PRDM9: variants seen among roughly 807,000 people sequenced by gnomAD.
PRDM9 encodes PR/SET domain 9, also known as histone-lysine N-methyltransferase PRDM9.
Under a neutral mutation model 55.6 loss-of-function variants are expected in PRDM9, and 47 were observed. The observed-to-expected ratio is 0.85, with a 90% CI of 0.67 to 1.08. The LOEUF is 1.08. PRDM9 is among the 50% of genes least tolerant of loss of function. PRDM9 has a pLI of 0.00. For synonymous variants in PRDM9, 312 were observed against 375.7 expected (o/e 0.83, Z 1.96); for missense variants, 867 against 1,040.3 (o/e 0.83, Z 2.29).
At chr5:23,523,027 C>A in intron 8 of PRDM9, 142 bp downstream of exon 8, 1 of 1,453,000 alleles carries the variant, frequency 6.9e-7, no homozygotes, top group Non-Finnish European at 9.6e-7. Context: ...TGCATGAACA[C>A]GGAACTCCTA....
Position 23,509,105 on chromosome 5 carries a change from G to A in PRDM9, c.69+3G>A, listed in dbSNP as rs1397355067. ...AGAGAACAGAGCGGAAGCCCATGGTGAGAAGTGGAGGAAGCGAAGCTGGAC... is the reference window on the plus strand; with the variant it reads ...AGAGAACAGAGCGGAAGCCCATGGTAAGAAGTGGAGGAAGCGAAGCTGGAC... On this transcript the variant is annotated splice_donor_region_variant and intron_variant, in intron 2 of 10. Transcript: ENST00000296682. 2 of 1,613,982 alleles carry A rather than the reference G, an allele frequency of 1.2e-6. No individual in the cohort carries two copies. Among genetic ancestry groups the A allele is most frequent in the East Asian group, 2.2e-5 (1 of 44,864 alleles).
Position 23,509,931 on chromosome 5 carries a change from A to T in PRDM9, c.205A>T (p.Thr69Ser), listed in dbSNP as rs1310515424. The change falls in exon 4 of 11, where the codon ACT becomes TCT. Residue 69 changes from threonine to serine, a missense_variant. Coordinates refer to ENST00000296682, the MANE Select transcript of PRDM9 (RefSeq NM_020227.4). The stretch of plus-strand genomic sequence containing the variant: ...TTGCTTCTTTTCAGGTCTCAGAGCC[A>T]CTCGACCAGCTTTCATGTGTCACCG... ...NALITIGLRA[T>S]RPAFMCHRRQ... 6.2e-7 allele frequency: 1 copy of T among 1,613,716 alleles called. No individual in the cohort carries two copies. Among genetic ancestry groups the T allele is most frequent in the Admixed American group, 1.7e-5 (1 of 59,976 alleles).
chr5:23,512,539 G>T (rs2914281), intron 4 of PRDM9, among the ~76,000 whole-genome samples: 1 of 152,000 alleles, frequency 6.6e-6, no homozygotes, highest in Non-Finnish European at 1.5e-5. Flanking sequence ...TCTTTAGCGG[G>T]AATCTATCTC....
rs756857261 is a variant in PRDM9 at position 23,526,495 on chromosome 5, G to A, written c.1407G>A (p.Gln469=). The A allele has an allele frequency of 7.4e-6, 12 of 1,613,944 alleles. No individual in the cohort carries two copies. In the Admixed American group the frequency reaches 2.0e-4, roughly 27 times the overall value. ...AACTCTTGAATAAAAGGACATGGCA[G>A]AGGGAGATTTCAAGGGCCTTTTCTA... ...RSKLLNKRTW[Q]REISRAFSSP... The change falls in exon 11 of 11, where the codon CAG becomes CAA. Residue 469 remains glutamine, a synonymous_variant. Coordinates refer to ENST00000296682, the MANE Select transcript of PRDM9 (RefSeq NM_020227.4).
chr5:23,523,221 CA>C (rs1739368866), intron 8 of PRDM9, 69 bp from the exon 9 acceptor site: 5 of 1,530,654 alleles, frequency 3.3e-6, no homozygotes, highest in Non-Finnish European at 4.5e-6. Flanking sequence ...CCATTGACGA[CA>C]GTGGAGTAAA....
chr5:23,522,574 G>C (rs761999512), intron 7 of PRDM9, 40 bp from the exon 8 acceptor site: 2 of 1,613,708 alleles, frequency 1.2e-6, no homozygotes, highest in East Asian at 2.2e-5. Context: ...CAAGGAACAT[G>C]CATTACAACT....
chr5:23,526,670 G>A lies in PRDM9; in HGVS notation c.1582G>A (p.Glu528Lys). 1 of 1,614,258 alleles carries A rather than the reference G, an allele frequency of 6.2e-7. No individual in the cohort carries two copies. The highest frequency in any genetic ancestry group is 8.5e-7 in the Non-Finnish European group (1 of 1,180,050). Residue 528 changes from glutamate to lysine, a missense_variant, in exon 11 of 11, where the codon GAG becomes AAG. This residue lies in a region of PRDM9 where 662 missense variants were observed against 711.9 expected (regional missense o/e 0.93). Coordinates refer to ENST00000296682, the MANE Select transcript of PRDM9 (RefSeq NM_020227.4). ...ISRIAKVKYGECGQGFSVKSD... is the reference protein window; with the variant it reads ...ISRIAKVKYGKCGQGFSVKSD... ...AAGAATTGCAAAAGTCAAGTATGGAGAGTGTGGACAAGGTTTCAGTGTTAA... is the reference window on the plus strand; with the variant it reads ...AAGAATTGCAAAAGTCAAGTATGGAAAGTGTGGACAAGGTTTCAGTGTTAA...
chr5:23,515,769 C>T (rs1324116003), intron 4 of PRDM9, among the ~76,000 whole-genome samples: 1 of 152,178 alleles, frequency 6.6e-6, no homozygotes, highest in Non-Finnish European at 1.5e-5. Flanking sequence ...TGCAGACTGT[C>T]CTTTCCTCCA....
rs145702972 is a variant in PRDM9, at chr5:23,523,207, A to G, written c.883-84A>G. The G allele has an allele frequency of 2.7e-6, 4 of 1,480,772 alleles. No individual in the cohort carries two copies. In the Admixed American group the frequency reaches 5.1e-5, roughly 19 times the overall value. 91.7% of individuals were successfully genotyped at this position (1,480,772 alleles called of 1,614,324 possible). A position where few individuals can be genotyped will look rare whatever the true frequency, so the allele number is the denominator to read the frequency against. ...TGGCAGCTGAAGCTATGCAGGCCCA[A>G]AGGCCATTGACGACAGTGGAGTAAA... is the stretch of plus-strand genomic sequence containing the variant. On this transcript the variant is annotated intron_variant, in intron 8 of 10. Coordinates refer to ENST00000296682, the MANE Select transcript of PRDM9 (RefSeq NM_020227.4).
At chr5:23,513,677 T>A (rs1477258593) in intron 4 of PRDM9, among the ~76,000 whole-genome samples, 1 of 151,972 alleles carries the variant, frequency 6.6e-6, no homozygotes, top group Non-Finnish European at 1.5e-5. Flanking sequence ...GTCAGGAGTT[T>A]GAGACCAGCC....
At chr5:23,510,573 G>T (rs1739075831) in intron 4 of PRDM9, among the ~76,000 whole-genome samples, 1 of 151,618 alleles carries the variant, frequency 6.6e-6, no homozygotes, top group South Asian at 2.1e-4. Context: ...GGCCAGGCTG[G>T]TCTCAAATTC....
At position 23,522,325 on chromosome 5, in the gene PRDM9, A is replaced by C. The variant is rs202188309; in HGVS notation, c.530A>C (p.Glu177Ala). The part of the protein sequence containing the change: ...LKLELRKKET[E>A]RKMYSLRERK... ...CTAGAACTCAGGAAGAAGGAGACTG[A>C]AAGAAAGATGTATAGCCTGCGAGAA... Residue 177 changes from glutamate to alanine, a missense_variant, in exon 7 of 11, where the codon GAA becomes GCA. Physicochemically the swap from Glu to Ala is moderately radical, Grantham distance 107. This residue lies in a region of PRDM9 where 662 missense variants were observed against 711.9 expected (regional missense o/e 0.93). Coordinates refer to ENST00000296682, the MANE Select transcript of PRDM9 (RefSeq NM_020227.4). 19 of 1,614,062 alleles carry C rather than the reference A, an allele frequency of 1.2e-5. No homozygotes were observed. In the East Asian group the frequency reaches 4.2e-4, roughly 36 times the overall value.
At chr5:23,525,246 G>T (rs1739408709) in intron 10 of PRDM9, among the ~76,000 whole-genome samples, 1 of 152,206 alleles carries the variant, frequency 6.6e-6, no homozygotes, top group South Asian at 2.1e-4. Flanking sequence ...CCTACGGCCA[G>T]AAAGAATTCA....
rs201926485 is a variant in PRDM9, at chr5:23,518,699, ATTC to A, written c.351+774_351+776del. Among the ~76,000 whole-genome samples, 1,183 of 152,334 alleles carry A rather than the reference ATTC, an allele frequency of 7.8e-3. 18 individuals are homozygous for A. The highest frequency in any genetic ancestry group is 0.027 in the African/African-American group (1,126 of 41,576). On this transcript the variant is annotated intron_variant, in intron 5 of 10. Transcript: ENST00000296682. ...GTTACATCCTATTAAGTAAAAATATATTCTTCTGGAACTGATTTCAAATTCTCA... is the reference window on the plus strand; with the variant it reads ...GTTACATCCTATTAAGTAAAAATATATTCTGGAACTGATTTCAAATTCTCA...
intron 10 of PRDM9, among the ~76,000 whole-genome samples, chr5:23,525,307 C>A (rs986860804): frequency 2.0e-5 from 3 of 152,198 alleles, no homozygotes; most frequent in African/African-American, 7.2e-5. Context: ...CCCCTCAGAG[C>A]TGCTCCAGTT....
intron 4 of PRDM9, among the ~76,000 whole-genome samples, chr5:23,515,612 C>T (rs1739195178): frequency 6.6e-6 from 1 of 152,014 alleles, no homozygotes; most frequent in South Asian, 2.1e-4. Context: ...TAAGCTTTTC[C>T]TCTGTGTTTT....
Position 23,528,060 on chromosome 5 carries a change from GT to G in PRDM9, c.*289del. The stretch of plus-strand genomic sequence containing the variant: ...TTTTTTGTTTGTTTTTTTGCCTCCT[GT>G]TCTAATAAATTTTGTCTCCATACAA... On this transcript the variant is annotated 3_prime_UTR_variant, in exon 11 of 11. Coordinates refer to ENST00000296682, the MANE Select transcript of PRDM9 (RefSeq NM_020227.4). The G allele has an allele frequency of 1.9e-6, 1 of 522,404 alleles. No individual in the cohort carries two copies. The highest frequency in any genetic ancestry group is 3.4e-6 in the Non-Finnish European group (1 of 291,890). 32.4% of individuals were successfully genotyped at this position (522,404 alleles called of 1,614,324 possible).
upstream of PRDM9, chr5:23,507,377 T>A (rs1303613316): frequency 6.6e-6 from 1 of 151,986 alleles, no homozygotes; most frequent in Non-Finnish European, 1.5e-5. Context: ...TTACACGCAA[T>A]CCCCTCTGGG....
In PRDM9 at chr5:23,526,827, A is replaced by G; in HGVS notation, c.1739A>G (p.Tyr580Cys). 3 of 1,589,360 alleles carry G rather than the reference A, an allele frequency of 1.9e-6. No homozygotes were observed. The highest frequency in any genetic ancestry group is 2.6e-6 in the Non-Finnish European group (3 of 1,169,084). ...HQRIHTGEKP[Y>C]VCRECGRGFS... ...AGGATACACACAGGGGAGAAGCCCT[A>G]TGTCTGCAGGGAGTGTGGGCGGGGC... Residue 580 changes from tyrosine (Y) to cysteine (C), a missense_variant, in exon 11 of 11, where the codon TAT becomes TGT. Coordinates refer to ENST00000296682, the MANE Select transcript of PRDM9 (RefSeq NM_020227.4).
Sources: gnomAD v4.1 joint callset for allele counts (sites outside exome capture counted in the v4.1 genomes callset) on GRCh38, gnomAD v4.1.1 for gene constraint, gnomAD v4.1.1 regional missense constraint, MANE v1.5 for transcripts, NCBI Gene and HGNC (gene_info 2026-07-23, HGNC 2026-07-21) for gene names.